The following UCN3 variants were observed in gnomAD, a reference collection of about 807,000 sequenced individuals.
UCN3 encodes the protein urocortin-3.
UCN3 carries 3 observed loss-of-function variants against 3.6 expected under a neutral mutation model. The ratio of observed to expected loss-of-function variants is 0.83; its 90% CI spans 0.38 to 2.15. UCN3 has a LOEUF of 2.15. Among genes scored for constraint, UCN3 ranks in the 30% most tolerant of loss-of-function variants. The pLI is 0.06. For missense variants in UCN3, 206 were observed against 208.3 expected (o/e 0.99, Z 0.07); for synonymous variants, 100 against 93.2 (o/e 1.07, Z -0.42).
At chr10:5,371,592 C>G (rs554145117) in intron 1 of UCN3, among the ~76,000 whole-genome samples, 1 of 152,202 alleles carries the variant, frequency 6.6e-6, no homozygotes, top group Non-Finnish European at 1.5e-5. Context: ...GGGTTGGGTC[C>G]ACTGCACTCA....
At chr10:5,373,617 G>C in intron 1 of UCN3, 98 bp from the exon 2 acceptor site, 1 of 1,513,602 alleles carries the variant, frequency 6.6e-7, no homozygotes, top group Non-Finnish European at 8.8e-7. Context: ...AACCCTTGTA[G>C]TGGAACATTA....
Position 5,370,407 on chromosome 10 carries a change from ATATG to A in UCN3, c.-6-3306_-6-3303del, listed in dbSNP as rs1206612992. On this transcript the variant is annotated intron_variant, in intron 1 of 1. Coordinates refer to ENST00000380433, the MANE Select transcript of UCN3 (RefSeq NM_053049.4). ...TATATGCGTGTGTATATGTGTGTGTATATGTGTGTGTGTATATGCGTGTGTATAT... is the reference window on the plus strand; with the variant it reads ...TATATGCGTGTGTATATGTGTGTGTATGTGTGTGTATATGCGTGTGTATAT... Among the ~76,000 whole-genome samples the A allele has an allele frequency of 6.8e-4, 18 of 26,512 alleles. 1 individual carries two copies. Among genetic ancestry groups the A allele is most frequent in the South Asian group, 1.7e-3 (1 of 580 alleles). The allele number at this position is 26,512 out of a possible 152,430, so 17.4% of individuals were successfully genotyped here.
At chr10:5,370,871 G>GCGTGTGTATGCGTGTGTATGTGTGTGTA (rs1339938939) in intron 1 of UCN3, among the ~76,000 whole-genome samples, 1 of 135,328 alleles carries the variant, frequency 7.4e-6, no homozygotes, top group African/African-American at 3.0e-5. Flanking sequence ...GCGTGTGTAT[G>GCGTGTGTATGCGTGTGTATGTGTGTGTA]TGTGTGTATA....
At chr10:5,371,084 G>C (rs1269070864) in intron 1 of UCN3, among the ~76,000 whole-genome samples, 2 of 150,628 alleles carry the variant, frequency 1.3e-5, no homozygotes, top group African/African-American at 2.5e-5. Flanking sequence ...GTGTATGTGT[G>C]TGCATGTGTA....
rs146206216 is a variant in UCN3, at chr10:5,369,995, ATGTG to A, written c.-6-3712_-6-3709del. 1.6e-4 allele frequency among the ~76,000 whole-genome samples: 5 copies of A among 31,722 alleles called. 1 individual carries two copies. Among genetic ancestry groups the A allele is most frequent in the East Asian group, 1.1e-3 (1 of 948 alleles). 20.8% of individuals were successfully genotyped at this position (31,722 alleles called of 152,430 possible). On this transcript the variant is annotated intron_variant, in intron 1 of 1. Transcript: ENST00000380433. The stretch of plus-strand genomic sequence containing the variant: ...TGTATATGCGTGTGTATATGTGTGT[ATGTG>A]TGTGTGTATGTGTGTGTATATGTGT...
chr10:5,370,955 G>GGT lies in UCN3; in HGVS notation c.-6-2747_-6-2746dup, dbSNP rs201698933. On this transcript the variant is annotated intron_variant, in intron 1 of 1. Transcript: ENST00000380433. The stretch of plus-strand genomic sequence containing the variant: ...TGTGTGTTCATGTGTATGTGTGTAA[G>GGT]GTGTGTGTGTGTGTATGTATGTACA... Among the ~76,000 whole-genome samples, 357 of 109,492 alleles carry GGT rather than the reference G, an allele frequency of 3.3e-3. 17 individuals carry two copies. The highest frequency in any genetic ancestry group is 4.1e-3 in the Non-Finnish European group (221 of 54,536). 71.8% of individuals were successfully genotyped at this position (109,492 alleles called of 152,430 possible).
In UCN3 at chr10:5,374,632, G is replaced by A. The variant is rs75913144; in HGVS notation, c.*426G>A. 0.012 allele frequency: 2,032 copies of A among 163,626 alleles called. 43 individuals carry two copies. Among genetic ancestry groups the A allele is most frequent in the African/African-American group, 0.045 (1,880 of 41,704 alleles). The allele number at this position is 163,626 out of a possible 1,614,324, so 10.1% of individuals were successfully genotyped here. A position where few individuals can be genotyped will look rare whatever the true frequency, so the allele number is the denominator to read the frequency against. On this transcript the variant is annotated 3_prime_UTR_variant, in exon 2 of 2. Coordinates refer to ENST00000380433, the MANE Select transcript of UCN3 (RefSeq NM_053049.4). Reference sequence around the variant, plus strand: ...GGCAGAAAGAGGAGCTGCAGCACTCGCCTTCCTGCCACCGAATCCTTCCCT... The same window carrying A: ...GGCAGAAAGAGGAGCTGCAGCACTCACCTTCCTGCCACCGAATCCTTCCCT...
At position 5,370,385 on chromosome 10, in the gene UCN3, A is replaced by ATGTGTGTGTATG. The variant is rs1298674026; in HGVS notation, c.-6-3328_-6-3327insTGTGTGTATGTG. Among the ~76,000 whole-genome samples, 3 of 53,894 alleles carry ATGTGTGTGTATG rather than the reference A, an allele frequency of 5.6e-5. 1 individual carries two copies. The highest frequency in any genetic ancestry group is 9.8e-5 in the Non-Finnish European group (3 of 30,668). 35.4% of individuals were successfully genotyped at this position (53,894 alleles called of 152,430 possible). ...TATATGCGTGTGTATATGCGTGTAT[A>ATGTGTGTGTATG]TGCGTGTGTATATGTGTGTGTATAT... On this transcript the variant is annotated intron_variant, in intron 1 of 1. Transcript: ENST00000380433.
At chr10:5,371,435 C>T (rs970933405) in intron 1 of UCN3, among the ~76,000 whole-genome samples, 2 of 151,952 alleles carry the variant, frequency 1.3e-5, no homozygotes, top group African/African-American at 4.8e-5. Context: ...TGTTCCTGTG[C>T]GTCCTGTGTG....
chr10:5,370,647 GTGTGTGTA>G (rs1391133179), intron 1 of UCN3, among the ~76,000 whole-genome samples: 2 of 67,902 alleles, frequency 2.9e-5, no homozygotes, highest in African/African-American at 7.3e-5. Context: ...GTGTGTATAT[GTGTGTGTA>G]TGTGTGTGTA....
intron 1 of UCN3, among the ~76,000 whole-genome samples, chr10:5,369,862 GGTGTGTGTGTATATGTGTGTGTATAT>G (rs1831314317): frequency 2.0e-5 from 2 of 99,564 alleles, no homozygotes; most frequent in Non-Finnish European, 4.2e-5. Context: ...TATCCACGTG[GGTGTGTGTGTATATGTGTGTGTATAT>G]GTGTGTGTGT....
intron 1 of UCN3, among the ~76,000 whole-genome samples, chr10:5,372,624 A>C (rs964836573): frequency 6.6e-5 from 10 of 152,002 alleles, no homozygotes; most frequent in African/African-American, 2.4e-4. Flanking sequence ...ATCACAGTTC[A>C]CTGTAGCCTC....
At position 5,374,148 on chromosome 10, in the gene UCN3, T is replaced by G. The variant is rs782223300; in HGVS notation, c.428T>G (p.Leu143Arg). 3 of 1,612,270 alleles carry G rather than the reference T, an allele frequency of 1.9e-6. No individual in the cohort carries two copies. The highest frequency in any genetic ancestry group is 3.3e-5 in the Admixed American group (2 of 59,886). ...TTCAACATCGCCAAGGCCAAGAACCTGCGTGCCCAGGCGGCCGCCAATGCC... is the reference window on the plus strand; with the variant it reads ...TTCAACATCGCCAAGGCCAAGAACCGGCGTGCCCAGGCGGCCGCCAATGCC... ...LLFNIAKAKNLRAQAAANAHL... is the reference protein window; with the variant it reads ...LLFNIAKAKNRRAQAAANAHL... The change falls in exon 2 of 2, where the codon CTG (leucine) becomes CGG (arginine). Residue 143 changes from leucine to arginine, a missense_variant. Physicochemically the swap from Leu to Arg is moderately radical, Grantham distance 102 (BLOSUM62 -2). Transcript: ENST00000380433.
intron 1 of UCN3, among the ~76,000 whole-genome samples, chr10:5,371,350 A>G (rs142533500): frequency 1.4e-4 from 21 of 151,550 alleles, no homozygotes; most frequent in Middle Eastern, 3.4e-3. Flanking sequence ...ACATGTGTGC[A>G]TGTATATATG....
At chr10:5,369,356 G>A (rs1554810976) in intron 1 of UCN3, among the ~76,000 whole-genome samples, 4 of 152,186 alleles carry the variant, frequency 2.6e-5, no homozygotes, top group Non-Finnish European at 5.9e-5. Context: ...ATTCAGGTGT[G>A]GGTCAGCCTT....
In UCN3 at chr10:5,365,709, C is replaced by T. The variant is rs1320317305; in HGVS notation, c.-7+479C>T. 2.0e-5 allele frequency among the ~76,000 whole-genome samples: 3 copies of T among 152,220 alleles called. No homozygotes were observed. The highest frequency in any genetic ancestry group is 1.3e-4 in the Admixed American group (2 of 15,286). ...AACCTTCACCTGTGCCATCTCCCGTCACTCTCGGGCACACCTGTGAAGCAG... is the reference window on the plus strand; with the variant it reads ...AACCTTCACCTGTGCCATCTCCCGTTACTCTCGGGCACACCTGTGAAGCAG... On this transcript the variant is annotated intron_variant, in intron 1 of 1. Coordinates refer to ENST00000380433, the MANE Select transcript of UCN3 (RefSeq NM_053049.4). This position sits in a 1 kb window ranked among gnomAD's most constrained non-coding sequence, Gnocchi z 4.4.
At chr10:5,370,775 ATGCG>A (rs2119108422) in intron 1 of UCN3, among the ~76,000 whole-genome samples, 1 of 112,550 alleles carries the variant, frequency 8.9e-6, no homozygotes, top group South Asian at 3.4e-4. Flanking sequence ...GCGTGTGTAT[ATGCG>A]TGTGTGTGTG....
At chr10:5,368,704 T>C (rs993039504) in intron 1 of UCN3, among the ~76,000 whole-genome samples, 6 of 152,186 alleles carry the variant, frequency 3.9e-5, no homozygotes, top group African/African-American at 1.4e-4. Flanking sequence ...AGCTTTAAGA[T>C]GCCTTCAAGG....
chr10:5,373,634 C>A (rs1284901456), intron 1 of UCN3, 81 bp from the exon 2 acceptor site: 5 of 1,539,274 alleles, frequency 3.2e-6, no homozygotes, highest in Non-Finnish European at 4.4e-6. Context: ...ATTAACAACA[C>A]CCTAGTAGAT....
Sources: gnomAD v4.1 joint callset for allele counts (sites outside exome capture counted in the v4.1 genomes callset) on GRCh38, gnomAD v4.1.1 for gene constraint, Gnocchi (gnomAD v3.1) non-coding constraint, MANE v1.5 for transcripts, NCBI Gene and HGNC (gene_info 2026-07-23, HGNC 2026-07-21) for gene names.